KIF4A: variants seen among roughly 807,000 people sequenced by gnomAD.
KIF4A encodes kinesin family member 4A.
Under a neutral mutation model 105.9 loss-of-function variants are expected in KIF4A, and 7 were observed. The observed-to-expected ratio is 0.07, with a 90% CI of 0.04 to 0.12. The LOEUF is 0.12. Among genes scored for constraint, KIF4A ranks in the 10% least tolerant of loss-of-function variants. KIF4A has a pLI of 1.00. For synonymous variants in KIF4A, 281 were observed against 331.3 expected (o/e 0.85, Z 1.65); for missense variants, 558 against 929.2 (o/e 0.60, Z 5.19).
chrX:70,335,422 A>G (rs1271751099), intron 10 of KIF4A, among the ~76,000 whole-genome samples: 1 of 112,174 alleles, frequency 8.9e-6, no homozygotes, highest in Non-Finnish European at 1.9e-5. Flanking sequence ...ATGGGTATAG[A>G]ATTTTAGTTT....
At chrX:70,340,039 A>G (rs774596412) in intron 10 of KIF4A, among the ~76,000 whole-genome samples, 11 of 111,166 alleles carry the variant, frequency 9.9e-5, no homozygotes, top group African/African-American at 3.6e-4. Flanking sequence ...GCATTCATAT[A>G]GTACCTATCT....
intron 15 of KIF4A, among the ~76,000 whole-genome samples, chrX:70,356,578 C>CA (rs1471764332): frequency 1.8e-5 from 2 of 111,964 alleles, no homozygotes; most frequent in African/African-American, 6.5e-5. Flanking sequence ...AACAAACAAA[C>CA]AAAAAACTTA....
chrX:70,379,168 AAAAAG>A (rs1207991506), intron 18 of KIF4A, among the ~76,000 whole-genome samples: 29 of 110,995 alleles, frequency 2.6e-4, no homozygotes, highest in African/African-American at 8.8e-4. Context: ...ATCTCAAAAA[AAAAAG>A]AAAAGAAAAA....
At position 70,374,240 on chromosome X, in the gene KIF4A, TGCCAACCAA is replaced by T. The variant is rs1426140358; in HGVS notation, c.1770_1778del (p.Asn590_Ala592del). ...TTGAACTTCAGACAGCAAAGAAGGA[TGCCAACCAA>T]GCCAAGTAAGAATAAAGTTAATAAA... On this transcript the variant is annotated inframe_deletion, in exon 16 of 31. Coordinates refer to ENST00000374403, the MANE Select transcript of KIF4A (RefSeq NM_012310.5). The T allele has an allele frequency of 8.5e-7, 1 of 1,182,710 alleles. No individual in the cohort carries two copies. Among genetic ancestry groups the T allele is most frequent in the Non-Finnish European group, 1.1e-6 (1 of 871,825 alleles).
intron 7 of KIF4A, among the ~76,000 whole-genome samples, chrX:70,308,861 C>T (rs1414149683): frequency 1.8e-5 from 2 of 112,475 alleles, no homozygotes; most frequent in South Asian, 3.7e-4. Context: ...CTGCCTGCCT[C>T]GGCCTCCCAA....
chrX:70,302,419 A>C, intron 7 of KIF4A, 21 bp downstream of exon 7: 66 of 1,189,223 alleles, frequency 5.5e-5, no homozygotes, highest in Non-Finnish European at 7.1e-5. Flanking sequence ...AATTAAGGTC[A>C]CAGTTGTAGA....
At chrX:70,415,724 T>C (rs751637818) in intron 28 of KIF4A, among the ~76,000 whole-genome samples, 1 of 108,659 alleles carries the variant, frequency 9.2e-6, no homozygotes, top group Admixed American at 9.9e-5. Flanking sequence ...AAGGAGTGCA[T>C]AGGAGACCTT....
intron 7 of KIF4A, among the ~76,000 whole-genome samples, chrX:70,308,174 C>G (rs780334400): frequency 1.8e-5 from 2 of 112,358 alleles, no homozygotes; most frequent in African/African-American, 6.5e-5. Flanking sequence ...GTGGATACCT[C>G]ATTTCCCAGA....
intron 15 of KIF4A, among the ~76,000 whole-genome samples, chrX:70,364,383 G>T (rs1481803418): frequency 5.5e-5 from 6 of 109,578 alleles, no homozygotes; most frequent in African/African-American, 1.7e-4. Context: ...GGTCTAACAT[G>T]TAAGTCTTTA....
Position 70,413,409 on chromosome X carries a change from G to A in KIF4A, c.3256-4479G>A, listed in dbSNP as rs768961138. ...AGCACTTTGGGAGGCCGAGGTGGGC[G>A]GATCACTTGATGTCAGGAGTTCAAA... is the stretch of plus-strand genomic sequence containing the variant. On this transcript the variant is annotated intron_variant, in intron 28 of 30. Transcript: ENST00000374403. Among the ~76,000 whole-genome samples the A allele has an allele frequency of 4.5e-5, 5 of 111,436 alleles. No homozygotes were observed. The East Asian group carries it at 1.1e-3, about 25-fold the overall frequency.
intron 15 of KIF4A, among the ~76,000 whole-genome samples, chrX:70,370,186 A>G (rs769892262): frequency 1.8e-5 from 2 of 111,020 alleles, no homozygotes; most frequent in South Asian, 7.5e-4. Flanking sequence ...TTGCTTAACA[A>G]TGCGTTTCTC....
At chrX:70,335,896 C>T (rs1283605126) in intron 10 of KIF4A, among the ~76,000 whole-genome samples, 1 of 111,525 alleles carries the variant, frequency 9.0e-6, no homozygotes, top group Non-Finnish European at 1.9e-5. Flanking sequence ...ATGTCATTCC[C>T]TCTCCATCCC....
chrX:70,302,278 A>G (rs2085807265), intron 6 of KIF4A, 26 bp from the exon 7 acceptor site: 4 of 1,198,681 alleles, frequency 3.3e-6, no homozygotes, highest in Non-Finnish European at 2.3e-6. Flanking sequence ...TACCATTCTC[A>G]CTGTGTCTTC....
At chrX:70,318,997 G>A (rs2038017366) in intron 7 of KIF4A, among the ~76,000 whole-genome samples, 1 of 111,788 alleles carries the variant, frequency 8.9e-6, no homozygotes, top group African/African-American at 3.3e-5. Context: ...GGGTGTGGTG[G>A]CTCGCGCCTG....
intron 28 of KIF4A, among the ~76,000 whole-genome samples, chrX:70,411,881 C>T (rs1276899745): frequency 1.8e-5 from 2 of 108,642 alleles, no homozygotes; most frequent in Non-Finnish European, 3.8e-5. Flanking sequence ...TAGCAAGATC[C>T]CATCTCTACA....
rs2086096405 is a variant in KIF4A at position 70,365,215 on chromosome X, C to T, written c.1675-8936C>T. 3.6e-5 allele frequency among the ~76,000 whole-genome samples: 4 copies of T among 111,628 alleles called. No individual in the cohort carries two copies. The Admixed American group carries it at 3.8e-4, about 11-fold the overall frequency. ...AGGGACAATTTGACTTTCTCTTTTC[C>T]TAATTGAATACTCTTCATTTCCTTC... On this transcript the variant is annotated intron_variant, in intron 15 of 30. Transcript: ENST00000374403.
chrX:70,364,440 GT>G (rs776928973), intron 15 of KIF4A, among the ~76,000 whole-genome samples: 1,800 of 108,748 alleles, frequency 0.017, 24 homozygotes, highest in Non-Finnish European at 0.026. Context: ...AAGGGATCCA[GT>G]TTCAGCTTTC....
chrX:70,417,738 C>G, intron 28 of KIF4A, 150 bp from the exon 29 acceptor site: 1 of 396,306 alleles, frequency 2.5e-6, no homozygotes, highest in Non-Finnish European at 4.3e-6. Context: ...ATTGTTTTCA[C>G]CAAAGAAGAG....
At chrX:70,396,141 G>A (rs1248362568) in intron 22 of KIF4A, 92 bp downstream of exon 22, 3 of 618,996 alleles carry the variant, frequency 4.8e-6, no homozygotes, top group African/African-American at 2.3e-5. Flanking sequence ...GCCTTGTGAT[G>A]GTGGAAAAAC....
Sources: gnomAD v4.1 joint callset for allele counts (sites outside exome capture counted in the v4.1 genomes callset) on GRCh38, gnomAD v4.1.1 for gene constraint, MANE v1.5 for transcripts, NCBI Gene and HGNC (gene_info 2026-07-23, HGNC 2026-07-21) for gene names.